TTPA: variants seen among roughly 807,000 people sequenced by gnomAD.
TTPA encodes the protein alpha tocopherol transfer protein.
Under a neutral mutation model 25.9 loss-of-function variants are expected in TTPA, and 23 were observed. The ratio of observed to expected loss-of-function variants is 0.89; its 90% CI spans 0.64 to 1.26. TTPA has a LOEUF of 1.26. Ranked by LOEUF, TTPA falls within the 50% of genes most tolerant of loss-of-function variation. The pLI is 0.00. For synonymous variants in TTPA, 148 were observed against 137.3 expected (o/e 1.08, Z -0.54); for missense variants, 337 against 353.1 (o/e 0.95, Z 0.37).
At chr8:63,072,515 G>A (rs1805498605) in intron 2 of TTPA, among the ~76,000 whole-genome samples, 1 of 152,204 alleles carries the variant, frequency 6.6e-6, no homozygotes, top group Non-Finnish European at 1.5e-5. Context: ...TTACAGGTGT[G>A]AGCCACCATG....
At chr8:63,082,297 T>C (rs1393232632) in intron 1 of TTPA, among the ~76,000 whole-genome samples, 1 of 152,070 alleles carries the variant, frequency 6.6e-6, no homozygotes, top group African/African-American at 2.4e-5. Flanking sequence ...AAGAGATATA[T>C]AGACCAATGG....
At chr8:63,062,479 T>C (rs1391232941) in intron 4 of TTPA, among the ~76,000 whole-genome samples, 2 of 152,188 alleles carry the variant, frequency 1.3e-5, no homozygotes, top group Non-Finnish European at 2.9e-5. Context: ...GAGTTTCCTA[T>C]ACTCACTTAG....
intron 1 of TTPA, among the ~76,000 whole-genome samples, chr8:63,080,740 T>TAAC (rs1422388665): frequency 7.2e-6 from 1 of 138,898 alleles, no homozygotes; most frequent in Non-Finnish European, 1.5e-5. Flanking sequence ...AAAAAATAAA[T>TAAC]AATAATAATA....
At chr8:63,085,703 C>A in intron 1 of TTPA, 115 bp downstream of exon 1, 1 of 1,322,388 alleles carries the variant, frequency 7.6e-7, no homozygotes, top group Admixed American at 2.4e-5. Context: ...GCGTTACCCG[C>A]CAGGGTCCTG....
At chr8:63,062,563 A>G (rs1365754119) in intron 4 of TTPA, among the ~76,000 whole-genome samples, 1 of 152,192 alleles carries the variant, frequency 6.6e-6, no homozygotes, top group African/African-American at 2.4e-5. Context: ...AAGAAATTCT[A>G]TCTCCTCAGG....
chr8:63,064,351 T>A, intron 3 of TTPA, 35 bp from the exon 4 acceptor site: 2 of 1,433,902 alleles, frequency 1.4e-6, no homozygotes, highest in South Asian at 1.2e-5. Context: ...TAACAAAACA[T>A]AAATATTACA....
intron 2 of TTPA, among the ~76,000 whole-genome samples, chr8:63,068,353 A>G (rs978847517): frequency 6.6e-6 from 1 of 152,244 alleles, no homozygotes; most frequent in Non-Finnish European, 1.5e-5. Context: ...GATGTCAGAG[A>G]AAAACACCAA....
chr8:63,084,491 T>A (rs143347847), intron 1 of TTPA, among the ~76,000 whole-genome samples: 54 of 152,276 alleles, frequency 3.5e-4, no homozygotes, highest in African/African-American at 1.2e-3. Flanking sequence ...TTTAATATAG[T>A]CTAATATATC....
intron 1 of TTPA, among the ~76,000 whole-genome samples, chr8:63,082,138 C>G (rs1489787006): frequency 6.6e-6 from 1 of 152,186 alleles, no homozygotes; most frequent in Non-Finnish European, 1.5e-5. Flanking sequence ...CTGGAAAAAA[C>G]TACTTTAAAG....
Position 63,060,369 on chromosome 8 carries a change from C to CAG in TTPA, c.*881_*882dup, listed in dbSNP as rs1482081904. ...AATCAATTACATCAACATGATTTCA[C>CAG]AGAGACCTAAAGATGCCACATAGAG... On this transcript the variant is annotated 3_prime_UTR_variant, in exon 5 of 5. Transcript: ENST00000260116. The CAG allele has an allele frequency of 6.6e-6, 1 of 152,156 alleles. No individual in the cohort carries two copies. Among genetic ancestry groups the CAG allele is most frequent in the African/African-American group, 2.4e-5 (1 of 41,422 alleles). 9.4% of individuals were successfully genotyped at this position (152,156 alleles called of 1,614,324 possible).
chr8:63,075,635 G>T (rs1805550120), intron 1 of TTPA, among the ~76,000 whole-genome samples: 1 of 148,756 alleles, frequency 6.7e-6, no homozygotes, highest in Admixed American at 6.8e-5. Context: ...GGAGGCGAAG[G>T]TTGCAGTGAG....
At chr8:63,074,680 G>C (rs1406458301) in intron 1 of TTPA, among the ~76,000 whole-genome samples, 1 of 152,056 alleles carries the variant, frequency 6.6e-6, no homozygotes, top group African/African-American at 2.4e-5. Context: ...ATTTTACAAT[G>C]CTTTTTACTT....
At position 63,061,548 on chromosome 8, in the gene TTPA, C is replaced by A. The variant is rs1004432020; in HGVS notation, c.664-123G>T. On this transcript the variant is annotated intron_variant, in intron 4 of 4. Transcript: ENST00000260116. Reference sequence around the variant, plus strand: ...TGGAGTGTATAAATAGATACCACATCCTTTATTCCTCTGGTTATGAATCTA... The same window carrying A: ...TGGAGTGTATAAATAGATACCACATACTTTATTCCTCTGGTTATGAATCTA... The A allele has an allele frequency of 7.6e-6, 6 of 788,594 alleles. No individual in the cohort carries two copies. In the African/African-American group the frequency reaches 8.7e-5, roughly 11 times the overall value. 48.8% of individuals were successfully genotyped at this position (788,594 alleles called of 1,614,324 possible).
chr8:63,068,556 G>A (rs1447290118), intron 2 of TTPA, among the ~76,000 whole-genome samples: 2 of 152,198 alleles, frequency 1.3e-5, no homozygotes, highest in Non-Finnish European at 2.9e-5. Flanking sequence ...GGCTGAGGAG[G>A]AACTGTGAGA....
intron 1 of TTPA, among the ~76,000 whole-genome samples, chr8:63,074,793 T>C (rs1031276747): frequency 2.0e-5 from 3 of 152,196 alleles, no homozygotes; most frequent in Admixed American, 6.5e-5. Context: ...TGTTTTTTTT[T>C]CCTGTGGAAT....
At chr8:63,073,223 AG>A in intron 1 of TTPA, 135 bp from the exon 2 acceptor site, 1 of 737,520 alleles carries the variant, frequency 1.4e-6, no homozygotes. Context: ...GTATCTTTTC[AG>A]CTGTGAAAAC....
downstream of TTPA, among the ~76,000 whole-genome samples, chr8:63,058,817 C>CA (rs1258628247): frequency 6.6e-6 from 1 of 151,954 alleles, no homozygotes; most frequent in Non-Finnish European, 1.5e-5. Context: ...TTGAAATAAA[C>CA]AAAAATAAAT....
chr8:63,082,293 T>A (rs752709871), intron 1 of TTPA, among the ~76,000 whole-genome samples: 2 of 151,922 alleles, frequency 1.3e-5, no homozygotes, highest in Non-Finnish European at 2.9e-5. Flanking sequence ...CCAAAAGAGA[T>A]ATATAGACCA....
rs1251558977 is a variant in TTPA at position 63,061,302 on chromosome 8, T to C, written c.787A>G (p.Ile263Val). Residue 263 changes from isoleucine to valine, a missense_variant, in exon 5 of 5, where the codon ATA becomes GTA. Coordinates refer to ENST00000260116, the MANE Select transcript of TTPA (RefSeq NM_000370.3). The part of the protein sequence containing the change: ...EDICQEWTNF[I>V]MKSEDYLSSI... ...CTGAGATAATCTTCAGACTTCATTA[T>C]AAAATTTGTCCATTCCTGACAAATG... 2.5e-6 allele frequency: 4 copies of C among 1,613,798 alleles called. No homozygotes were observed. The highest frequency in any genetic ancestry group is 4.5e-5 in the East Asian group (2 of 44,826).
Sources: gnomAD v4.1 joint callset for allele counts (sites outside exome capture counted in the v4.1 genomes callset) on GRCh38, gnomAD v4.1.1 for gene constraint, MANE v1.5 for transcripts, NCBI Gene and HGNC (gene_info 2026-07-23, HGNC 2026-07-21) for gene names.